The following PTGER3 variants were observed in gnomAD, a reference collection of about 807,000 sequenced individuals.
PTGER3 encodes prostaglandin E2 receptor EP3 subtype.
PTGER3 carries 22 observed loss-of-function variants against 34.7 expected under a neutral mutation model. The ratio of observed to expected loss-of-function variants is 0.63; its 90% confidence interval spans 0.45 to 0.91. PTGER3 has a LOEUF of 0.91. PTGER3 is among the 40% of genes least tolerant of loss of function. The probability of loss-of-function intolerance (pLI) is 0.00; values close to 1 mark genes in which losing one functional copy is unlikely to be tolerated. For missense variants in PTGER3, 468 were observed against 519.4 expected (o/e 0.90, Z 0.96); for synonymous variants, 241 against 230.1 (o/e 1.05, Z -0.43).
At chr1:71,008,399 T>C (rs1223575799) in intron 2 of PTGER3, 3 of 874,574 alleles carry the variant, frequency 3.4e-6, no homozygotes, top group South Asian at 5.3e-5. Context: ...ACTAAACTTA[T>C]ATAAATTATA....
chr1:70,909,304 G>GTAATAGT (rs1647014132), intron 4 of PTGER3, among the ~76,000 whole-genome samples: 1 of 152,156 alleles, frequency 6.6e-6, no homozygotes, highest in South Asian at 2.1e-4. Context: ...ACCATCACAG[G>GTAATAGT]TAATAGTTGT....
At chr1:70,903,636 C>T (rs999081497) in intron 4 of PTGER3, among the ~76,000 whole-genome samples, 2 of 152,174 alleles carry the variant, frequency 1.3e-5, no homozygotes, top group Non-Finnish European at 2.9e-5. Flanking sequence ...AGAGCTACCA[C>T]TTTTCCCACT....
chr1:70,957,661 TATC>T (rs537725747), intron 2 of PTGER3, among the ~76,000 whole-genome samples: 49 of 152,330 alleles, frequency 3.2e-4, no homozygotes, highest in African/African-American at 1.1e-3. Context: ...TTGGAGTAGT[TATC>T]ATATCCATCA....
intron 1 of PTGER3, among the ~76,000 whole-genome samples, chr1:71,022,244 ATG>A (rs950198561): frequency 1.1e-4 from 16 of 152,036 alleles, no homozygotes; most frequent in African/African-American, 3.6e-4. Flanking sequence ...TAGAACTATA[ATG>A]TGGTCATTTT....
rs988079408 is a variant in PTGER3, at chr1:71,009,107, A to G, written c.1077+3198T>C. ...ATTTGGAGTCAAAAAGAACAAAATT[A>G]TAAAAAGCGTTGAATAAATAAAAAG... On this transcript the variant is annotated intron_variant, in intron 2 of 3. Transcript: ENST00000306666. 6 of 985,122 alleles carry G rather than the reference A, an allele frequency of 6.1e-6. No homozygotes were observed. The African/African-American group carries it at 1.0e-4, about 17-fold the overall frequency. 61.0% of individuals were successfully genotyped at this position (985,122 alleles called of 1,614,324 possible). A position where few individuals can be genotyped will look rare whatever the true frequency, so the allele number is the denominator to read the frequency against.
chr1:71,019,635 A>G (rs1658223809), intron 1 of PTGER3, among the ~76,000 whole-genome samples: 1 of 152,244 alleles, frequency 6.6e-6, no homozygotes, highest in African/African-American at 2.4e-5. Flanking sequence ...TGTTCAAAGC[A>G]TTAATCAGGG....
At chr1:71,012,540 C>T in intron 1 of PTGER3, 56 bp from the exon 2 acceptor site, 1 of 1,452,540 alleles carries the variant, frequency 6.9e-7, no homozygotes, top group South Asian at 1.2e-5. Flanking sequence ...TATGCATCTC[C>T]TCTACACTGT....
At chr1:71,030,186 T>C (rs1486925574) in intron 1 of PTGER3, among the ~76,000 whole-genome samples, 1 of 152,012 alleles carries the variant, frequency 6.6e-6, no homozygotes, top group Non-Finnish European at 1.5e-5. Context: ...ATCCAAGATC[T>C]TGAGGATTAA....
chr1:70,989,022 T>A (rs1655185468), intron 2 of PTGER3, among the ~76,000 whole-genome samples: 1 of 152,024 alleles, frequency 6.6e-6, no homozygotes, highest in African/African-American at 2.4e-5. Flanking sequence ...TCAAATTGTT[T>A]GCATGTAATT....
intron 4 of PTGER3, among the ~76,000 whole-genome samples, chr1:70,901,939 T>C (rs900568521): frequency 6.6e-6 from 1 of 152,102 alleles, no homozygotes. Context: ...GGGCAGAGAT[T>C]TGAGGAGAGA....
At chr1:70,963,878 A>G (rs1652232445) in intron 2 of PTGER3, among the ~76,000 whole-genome samples, 1 of 152,184 alleles carries the variant, frequency 6.6e-6, no homozygotes, top group African/African-American at 2.4e-5. Context: ...GTCAGGCTGC[A>G]AATTTTCCAA....
At chr1:70,908,971 G>C (rs997736053) in intron 4 of PTGER3, among the ~76,000 whole-genome samples, 2 of 152,164 alleles carry the variant, frequency 1.3e-5, no homozygotes, top group Non-Finnish European at 2.9e-5. Flanking sequence ...GTAGTGCAGA[G>C]CTAGGATTCA....
intron 4 of PTGER3, among the ~76,000 whole-genome samples, chr1:70,893,781 T>A (rs1441165796): frequency 6.6e-6 from 1 of 152,212 alleles, no homozygotes; most frequent in Non-Finnish European, 1.5e-5. Context: ...CCAAAGTCTA[T>A]TGCTGCTAGG....
intron 2 of PTGER3, among the ~76,000 whole-genome samples, chr1:70,982,083 T>C (rs1435374084): frequency 1.3e-5 from 2 of 152,170 alleles, no homozygotes; most frequent in African/African-American, 2.4e-5. Flanking sequence ...CAAAACTTTC[T>C]TTAATAAAAT....
chr1:70,943,509 G>C lies in PTGER3; in HGVS notation c.*23+10254C>G, dbSNP rs139622375. Among the ~76,000 whole-genome samples, 1,099 of 152,188 alleles carry C rather than the reference G, an allele frequency of 7.2e-3. 15 individuals are homozygous for C. Among genetic ancestry groups the C allele is most frequent in the African/African-American group, 0.025 (1,055 of 41,546 alleles). ...TTTTATAGCAGGAACAAGATCTTCT[G>C]TCAGTAAAGTTGGTTGTGATGTTGC... On this transcript the variant is annotated intron_variant, in intron 4 of 4. Coordinates refer to the PTGER3 transcript ENST00000370931.
chr1:70,895,512 A>G (rs1646705529), intron 4 of PTGER3, among the ~76,000 whole-genome samples: 1 of 152,256 alleles, frequency 6.6e-6, no homozygotes. Context: ...TGATTAAATC[A>G]GCATCACTTT....
chr1:70,916,203 A>G (rs545150147), intron 4 of PTGER3, among the ~76,000 whole-genome samples: 2 of 152,244 alleles, frequency 1.3e-5, no homozygotes, highest in Admixed American at 1.3e-4. Context: ...CACACCAGTC[A>G]GAATGGCTAT....
At chr1:70,880,199 C>G (rs1646360216) in intron 4 of PTGER3, among the ~76,000 whole-genome samples, 1 of 152,074 alleles carries the variant, frequency 6.6e-6, no homozygotes, top group African/African-American at 2.4e-5. Context: ...CCTATATGCT[C>G]AAGTGTGCTT....
intron 2 of PTGER3, among the ~76,000 whole-genome samples, 161 bp from the exon 3 acceptor site, chr1:70,974,549 TCA>T (rs1572820245): frequency 1.3e-5 from 2 of 152,312 alleles, no homozygotes; most frequent in East Asian, 3.9e-4. Flanking sequence ...ATGCTTTGAC[TCA>T]CACTTATTTC....
Sources: gnomAD v4.1 joint callset for allele counts (sites outside exome capture counted in the v4.1 genomes callset) on GRCh38, gnomAD v4.1.1 for gene constraint, MANE v1.5 for transcripts, NCBI Gene and HGNC (gene_info 2026-07-23, HGNC 2026-07-21) for gene names.